PRKCE: variants seen among roughly 807,000 people sequenced by gnomAD.
PRKCE encodes protein kinase C epsilon.
PRKCE carries 16 observed loss-of-function variants against 85.4 expected under a neutral mutation model. That is an observed-to-expected ratio of 0.19 (90% CI 0.13 to 0.28). PRKCE has a LOEUF of 0.28. Ranked by LOEUF, PRKCE falls within the 10% of genes least tolerant of loss-of-function variation. PRKCE has a pLI of 1.00. For synonymous variants in PRKCE, 388 were observed against 371.5 expected (o/e 1.04, Z -0.51); for missense variants, 573 against 975.2 (o/e 0.59, Z 5.49).
At chr2:46,010,966 T>C in intron 10 of PRKCE, 1 of 1,387,966 alleles carries the variant, frequency 7.2e-7, no homozygotes, top group South Asian at 1.8e-5. Flanking sequence ...AACAAATGCT[T>C]AAAATTTCAT....
chr2:45,884,988 TATATATATATA>T lies in PRKCE; in HGVS notation c.412+41926_412+41936del, dbSNP rs1464578113. On this transcript the variant is annotated intron_variant, in intron 2 of 14. Transcript: ENST00000306156. The stretch of plus-strand genomic sequence containing the variant: ...ATATATATATATATATATATATATA[TATATATATATA>T]TATTTGTTGTTGTTGTTGTTGTTTT... Among the ~76,000 whole-genome samples the T allele has an allele frequency of 1.7e-3, 119 of 68,498 alleles. 1 individual carries two copies. Among genetic ancestry groups the T allele is most frequent in the East Asian group, 3.6e-3 (2 of 548 alleles). The allele number at this position is 68,498 out of a possible 152,430, so 44.9% of individuals were successfully genotyped here.
At chr2:45,891,575 C>T (rs997155077) in intron 2 of PRKCE, among the ~76,000 whole-genome samples, 1 of 152,204 alleles carries the variant, frequency 6.6e-6, no homozygotes, top group Non-Finnish European at 1.5e-5. Context: ...GTGGGCCACA[C>T]ACCTAAACAG....
chr2:46,063,917 A>G (rs1667378132), intron 10 of PRKCE, among the ~76,000 whole-genome samples: 1 of 152,176 alleles, frequency 6.6e-6, no homozygotes, highest in Non-Finnish European at 1.5e-5. Flanking sequence ...CTGAGCCCGA[A>G]GAGTTGTTGA....
At chr2:45,708,723 A>G (rs933534945) in intron 1 of PRKCE, among the ~76,000 whole-genome samples, 1 of 152,192 alleles carries the variant, frequency 6.6e-6, no homozygotes, top group African/African-American at 2.4e-5. Context: ...CTGTGGCTCA[A>G]TTCTGGCCAG....
At chr2:45,952,300 C>T (rs575789895) in intron 2 of PRKCE, among the ~76,000 whole-genome samples, 33 of 152,358 alleles carry the variant, frequency 2.2e-4, no homozygotes, top group African/African-American at 7.5e-4. Context: ...ATGATATACA[C>T]ATTTCATTAC....
chr2:45,771,692 C>T (rs1685341301), intron 1 of PRKCE, among the ~76,000 whole-genome samples: 1 of 137,794 alleles, frequency 7.3e-6, no homozygotes, highest in African/African-American at 2.6e-5. Flanking sequence ...AGTGACTCTA[C>T]AGAGTGGGGC....
At chr2:45,879,712 T>A (rs1361794216) in intron 2 of PRKCE, among the ~76,000 whole-genome samples, 2 of 152,082 alleles carry the variant, frequency 1.3e-5, no homozygotes, top group Non-Finnish European at 2.9e-5. Context: ...GTGGGCTGAG[T>A]AAGGGAGGCA....
chr2:45,992,920 A>G (rs901169361), intron 6 of PRKCE, among the ~76,000 whole-genome samples: 1 of 152,170 alleles, frequency 6.6e-6, no homozygotes, highest in African/African-American at 2.4e-5. Flanking sequence ...GTCCTCAACA[A>G]ATGTGTGGTG....
intron 2 of PRKCE, among the ~76,000 whole-genome samples, chr2:45,893,496 T>G (rs1009893007): frequency 1.3e-5 from 2 of 151,900 alleles, no homozygotes; most frequent in African/African-American, 4.8e-5. Context: ...GCCTCCTGAG[T>G]AGCTGGGATT....
At chr2:45,771,890 ATG>A (rs1437065509) in intron 1 of PRKCE, among the ~76,000 whole-genome samples, 3 of 152,036 alleles carry the variant, frequency 2.0e-5, no homozygotes, top group African/African-American at 7.3e-5. Context: ...CTGGATCTGC[ATG>A]TGTCATTCCA....
intron 2 of PRKCE, among the ~76,000 whole-genome samples, chr2:45,961,298 T>C (rs1327866515): frequency 4.6e-5 from 7 of 152,280 alleles, no homozygotes; most frequent in Admixed American, 2.6e-4. Flanking sequence ...TTCCTTGCAA[T>C]GTTTACCCTG....
At chr2:45,952,596 CA>C (rs1478816625) in intron 2 of PRKCE, among the ~76,000 whole-genome samples, 1 of 152,134 alleles carries the variant, frequency 6.6e-6, no homozygotes, top group Non-Finnish European at 1.5e-5. Flanking sequence ...TTAGATTTAC[CA>C]AACAGTTGAA....
chr2:45,688,505 A>G (rs1402685758), intron 1 of PRKCE, among the ~76,000 whole-genome samples: 1 of 152,208 alleles, frequency 6.6e-6, no homozygotes, highest in Non-Finnish European at 1.5e-5. Flanking sequence ...TGAGTTTATA[A>G]GTTGCACTGG....
chr2:45,935,791 A>T (rs1699403920), intron 2 of PRKCE, among the ~76,000 whole-genome samples: 1 of 152,078 alleles, frequency 6.6e-6, no homozygotes, highest in Non-Finnish European at 1.5e-5. Flanking sequence ...TCAAAAAAAA[A>T]AAAAAAAATC....
At chr2:45,728,819 GGT>G (rs1390454000) in intron 1 of PRKCE, among the ~76,000 whole-genome samples, 11 of 152,148 alleles carry the variant, frequency 7.2e-5, no homozygotes, top group East Asian at 3.9e-4. Context: ...GTATGAGGAA[GGT>G]ATGACCATCA....
intron 8 of PRKCE, 81 bp from the exon 9 acceptor site, chr2:46,007,381 G>A (rs1705295544): frequency 7.1e-7 from 1 of 1,399,672 alleles, no homozygotes; most frequent in Non-Finnish European, 9.9e-7. Context: ...AGCTTACAGG[G>A]GAAAGTCTGA....
At chr2:46,066,338 AT>A (rs1043307119) in intron 10 of PRKCE, among the ~76,000 whole-genome samples, 9 of 151,986 alleles carry the variant, frequency 5.9e-5, no homozygotes, top group African/African-American at 2.2e-4. Flanking sequence ...ACCTCACTTC[AT>A]TTTTTTGAGA....
rs548700055 is a variant in PRKCE at position 46,122,282 on chromosome 2, A to T, written c.1593-22811A>T. ...AGTCTTGTTCTGTCATCCAGGGTGG[A>T]GTGCAGTGGCGTGATCTTGGCTCAC... is the stretch of plus-strand genomic sequence containing the variant. On this transcript the variant is annotated intron_variant, in intron 11 of 14. Coordinates refer to ENST00000306156, the MANE Select transcript of PRKCE (RefSeq NM_005400.3). Among the ~76,000 whole-genome samples the T allele has an allele frequency of 3.7e-4, 57 of 152,174 alleles. 1 individual carries two copies. Among genetic ancestry groups the T allele is most frequent in the Middle Eastern group, 3.4e-3 (1 of 294 alleles).
chr2:45,877,508 T>C (rs988410402), intron 2 of PRKCE, among the ~76,000 whole-genome samples: 2 of 152,210 alleles, frequency 1.3e-5, no homozygotes, highest in Non-Finnish European at 2.9e-5. Flanking sequence ...TTAAGTCTCT[T>C]TCTGTACCTA....
Sources: allele counts gnomAD v4.1 joint callset (sites outside exome capture counted in the v4.1 genomes callset), GRCh38; gene constraint gnomAD v4.1.1; transcripts MANE v1.5; gene names NCBI Gene and HGNC (gene_info 2026-07-23, HGNC 2026-07-21).